The following ARHGAP29 variants were observed in gnomAD, a reference collection of about 807,000 sequenced individuals.
ARHGAP29 encodes the protein rho GTPase-activating protein 29.
In ARHGAP29, 43 loss-of-function variants were observed where a neutral mutation model predicts 122.6. The observed-to-expected ratio is 0.35, with a 90% CI of 0.27 to 0.45. The LOEUF (loss-of-function observed/expected upper bound fraction) is 0.45. Among genes scored for constraint, ARHGAP29 ranks in the 20% least tolerant of loss-of-function variants. The pLI, the probability that ARHGAP29 is intolerant of heterozygous loss-of-function variation, is 1.00. For synonymous variants in ARHGAP29, 506 were observed against 497.1 expected, an observed-to-expected ratio of 1.02 and a Z score of -0.24; for missense variants, 1,303 against 1,477.2, an observed-to-expected ratio of 0.88 and a Z score of 1.93.
At chr1:94,203,830 T>C (rs1651019094) in intron 8 of ARHGAP29, 100 bp downstream of exon 8, 1 of 924,884 alleles carries the variant, frequency 1.1e-6, no homozygotes, top group African/African-American at 1.7e-5. Context: ...AGCATTTAAG[T>C]GCTTTCCTAT....
In ARHGAP29 at chr1:94,172,935, G is replaced by A. The variant is rs893766894; in HGVS notation, c.*934C>T. The A allele has an allele frequency of 2.0e-5, 3 of 152,362 alleles. No individual in the cohort carries two copies. Among genetic ancestry groups the A allele is most frequent in the Non-Finnish European group, 4.4e-5 (3 of 67,974 alleles). 9.4% of individuals were successfully genotyped at this position (152,362 alleles called of 1,614,324 possible). ...GTACTTTCAGTTGTTGACAATCCAG[G>A]TAGAACAAGTACATAAAATGATTCC... On this transcript the variant is annotated 3_prime_UTR_variant, in exon 23 of 23. Coordinates refer to ENST00000260526, the MANE Select transcript of ARHGAP29 (RefSeq NM_004815.4).
chr1:94,275,743 C>T (rs983742809), upstream of ARHGAP29, among the ~76,000 whole-genome samples: 18 of 151,894 alleles, frequency 1.2e-4, no homozygotes, highest in Admixed American at 6.6e-4. Context: ...AAGGAACATA[C>T]GAACATATAA....
intron 20 of ARHGAP29, among the ~76,000 whole-genome samples, chr1:94,178,483 T>TG (rs1371207708): frequency 6.9e-6 from 1 of 144,016 alleles, no homozygotes. Flanking sequence ...GTCCTTATAC[T>TG]GGGAACTTAA....
chr1:94,198,706 A>G (rs879604384), intron 12 of ARHGAP29, among the ~76,000 whole-genome samples: 2 of 152,172 alleles, frequency 1.3e-5, no homozygotes, highest in African/African-American at 2.4e-5. Flanking sequence ...GAGAGACATA[A>G]TATGTTCATG....
At chr1:94,246,670 G>A (rs1653810472) in intron 1 of ARHGAP29, among the ~76,000 whole-genome samples, 1 of 152,200 alleles carries the variant, frequency 6.6e-6, no homozygotes, top group Admixed American at 6.5e-5. Flanking sequence ...GGGGCTGAAA[G>A]ACAAGGGAGG....
At chr1:94,220,212 G>A in intron 3 of ARHGAP29, 46 bp downstream of exon 3, 1 of 1,607,422 alleles carries the variant, frequency 6.2e-7, no homozygotes. Flanking sequence ...ATATCACTTG[G>A]CTCCTTTTTG....
In ARHGAP29 at chr1:94,207,244, G is replaced by A. The variant is rs115689329; in HGVS notation, c.511-1561C>T. Among the ~76,000 whole-genome samples the A allele has an allele frequency of 1.4e-3, 216 of 152,030 alleles. 1 individual carries two copies. The highest frequency in any genetic ancestry group is 2.4e-3 in the Non-Finnish European group (160 of 67,970). On this transcript the variant is annotated intron_variant, in intron 5 of 22. Transcript: ENST00000260526. ...GGCTGGTCTCGAACTCCTGGCCTCA[G>A]GTGATCCGCCCACTTCGCCCTCCCA... is the stretch of plus-strand genomic sequence containing the variant.
intron 2 of ARHGAP29, 78 bp downstream of exon 2, chr1:94,231,329 G>A: frequency 8.0e-7 from 1 of 1,245,832 alleles, no homozygotes; most frequent in Non-Finnish European, 1.2e-6. Context: ...CTACCACTGT[G>A]TACAAACTTA....
chr1:94,261,519 C>T (rs1654554514), intron 1 of ARHGAP29, among the ~76,000 whole-genome samples: 1 of 152,116 alleles, frequency 6.6e-6, no homozygotes, highest in South Asian at 2.1e-4. Flanking sequence ...ATAGTCTTGA[C>T]CTGAACGCTC....
At chr1:94,293,507 A>T in the ARHGAP29 span, among the ~76,000 whole-genome samples, 10 of 152,168 alleles carry the variant, frequency 6.6e-5, no homozygotes, top group East Asian at 1.7e-3. Context: ...AACCAGTCCC[A>T]GTGAGATGAA....
chr1:94,235,021 A>T (rs758819050), intron 1 of ARHGAP29, among the ~76,000 whole-genome samples: 1 of 152,158 alleles, frequency 6.6e-6, no homozygotes, highest in Non-Finnish European at 1.5e-5. Flanking sequence ...GACAAGACTT[A>T]AAAAATCTGC....
Position 94,196,284 on chromosome 1 carries a change from C to T in ARHGAP29, c.1281+5436G>A, listed in dbSNP as rs1332289500. Among the ~76,000 whole-genome samples, 8 of 95,056 alleles carry T rather than the reference C, an allele frequency of 8.4e-5. 1 individual carries two copies. Among genetic ancestry groups the T allele is most frequent in the Non-Finnish European group, 7.7e-5 (4 of 52,232 alleles). The allele number at this position is 95,056 out of a possible 152,430, so 62.4% of individuals were successfully genotyped here. A position where few individuals can be genotyped will look rare whatever the true frequency, so the allele number is the denominator to read the frequency against. The stretch of plus-strand genomic sequence containing the variant: ...TTTTTTTTTTTTTTTTTTTTTGAGA[C>T]GGAGTCTCGCTCTGTCGCCCAGGCT... On this transcript the variant is annotated intron_variant, in intron 12 of 22. Transcript: ENST00000260526.
At position 94,209,286 on chromosome 1, in the gene ARHGAP29, A is replaced by G; in HGVS notation, c.405T>C (p.Ser135=). 1 of 1,610,736 alleles carries G rather than the reference A, an allele frequency of 6.2e-7. No individual in the cohort carries two copies. Among genetic ancestry groups the G allele is most frequent in the South Asian group, 1.1e-5 (1 of 90,476 alleles). ...CAAAGGTAAATGCCAAAGTTTCAATAGAAGAAAACACTTCCTGGAAGAGAT... is the reference window on the plus strand; with the variant it reads ...CAAAGGTAAATGCCAAAGTTTCAATGGAAGAAAACACTTCCTGGAAGAGAT... The part of the protein sequence containing the change: ...KNDLFQEVFS[S]IETLAFTFGN... Residue 135 remains serine, a synonymous_variant, in exon 4 of 23, where the codon TCT becomes TCC. Transcript: ENST00000260526.
the ARHGAP29 span, among the ~76,000 whole-genome samples, chr1:94,300,712 A>T: frequency 6.6e-6 from 1 of 152,144 alleles, no homozygotes; most frequent in Non-Finnish European, 1.5e-5. Flanking sequence ...TTATTTTCTC[A>T]TCACTGTGTT....
chr1:94,231,345 T>A lies in ARHGAP29; in HGVS notation c.205+62A>T. 2.1e-6 allele frequency: 3 copies of A among 1,403,718 alleles called. No homozygotes were observed. The South Asian group carries it at 3.6e-5, about 17-fold the overall frequency. 87.0% of individuals were successfully genotyped at this position (1,403,718 alleles called of 1,614,324 possible). A position where few individuals can be genotyped will look rare whatever the true frequency, so the allele number is the denominator to read the frequency against. ...TACCACTGTGTACAAACTTATCTGC[T>A]AGGCCAGCATTTAAAATTTTACAAA... On this transcript the variant is annotated intron_variant, in intron 2 of 22. Coordinates refer to ENST00000260526, the MANE Select transcript of ARHGAP29 (RefSeq NM_004815.4).
chr1:94,249,855 A>G (rs1654014946), intron 1 of ARHGAP29, among the ~76,000 whole-genome samples: 1 of 152,058 alleles, frequency 6.6e-6, no homozygotes, highest in South Asian at 2.1e-4. Context: ...GGTTTTTGGC[A>G]GTGTTTATGC....
upstream of ARHGAP29, chr1:94,237,587 A>G: frequency 2.0e-6 from 2 of 989,254 alleles, no homozygotes; most frequent in South Asian, 9.0e-5. Flanking sequence ...CCACCACTGC[A>G]GCCGCCACCG....
chr1:94,189,008 T>C, intron 14 of ARHGAP29, 67 bp from the exon 15 acceptor site: 1 of 1,482,240 alleles, frequency 6.7e-7, no homozygotes, highest in Non-Finnish European at 9.3e-7. Context: ...ATACTGACAT[T>C]CTATCAAGTG....
rs1648978259 is a variant in ARHGAP29 at position 94,174,678 on chromosome 1, TA to T, written c.2976del (p.Lys993SerfsTer5). 1 of 1,614,100 alleles carries T rather than the reference TA, an allele frequency of 6.2e-7. No homozygotes were observed. The highest frequency in any genetic ancestry group is 8.5e-7 in the Non-Finnish European group (1 of 1,180,030). On this transcript the variant is annotated frameshift_variant, in exon 23 of 23. Coordinates refer to ENST00000260526, the MANE Select transcript of ARHGAP29 (RefSeq NM_004815.4). LOFTEE classifies it low-confidence loss of function (END_TRUNC). ...CTATCAGATTTCAGAGAAAGTGGCT[TA>T]GGGGTTTTACCATCTTCTATCTTTT... ...ASQKIEDGKTPKPLSLKSDRS... is the reference protein window; with the variant it reads ...ASQKIEDGKTXKPLSLKSDRS...
Sources: gnomAD v4.1 joint callset for allele counts (sites outside exome capture counted in the v4.1 genomes callset) on GRCh38, gnomAD v4.1.1 for gene constraint, MANE v1.5 for transcripts, NCBI Gene and HGNC (gene_info 2026-07-23, HGNC 2026-07-21) for gene names.